The following OR5A1 variants were observed in gnomAD, a reference collection of about 807,000 sequenced individuals.
The protein encoded by OR5A1 is olfactory receptor 5A1.
OR5A1 carries 6 observed loss-of-function variants against 6.7 expected under a neutral mutation model. That is an observed-to-expected ratio of 0.89 (90% CI 0.49 to 1.76). The LOEUF (loss-of-function observed/expected upper bound fraction) is 1.76. Among genes scored for constraint, OR5A1 ranks in the 40% most tolerant of loss-of-function variants. OR5A1 has a pLI of 0.01. For synonymous variants in OR5A1, 170 were observed against 155.0 expected (o/e 1.10, Z -0.72); for missense variants, 378 against 381.7 (o/e 0.99, Z 0.08).
At position 59,440,062 on chromosome 11, in the gene OR5A1, G is replaced by C. The variant is rs531235524; in HGVS notation, c.-33-3074G>C. ...TTTCAAGCTCTGTTAAGTAGTTACT[G>C]TTTGTTTTATTGTTGTTTTGAGACA... On this transcript the variant is annotated intron_variant, in intron 1 of 1. Coordinates refer to ENST00000641045, the MANE Select transcript of OR5A1 (RefSeq NM_001004728.2). 1.8e-4 allele frequency among the ~76,000 whole-genome samples: 27 copies of C among 152,088 alleles called. No homozygotes were observed. In the South Asian group the frequency reaches 5.4e-3, roughly 31 times the overall value.
chr11:59,439,970 C>A (rs558396400), intron 1 of OR5A1, among the ~76,000 whole-genome samples: 1 of 152,200 alleles, frequency 6.6e-6, no homozygotes, highest in Non-Finnish European at 1.5e-5. Context: ...ATCACATTCC[C>A]AGTTTATTAA....
rs759983285 is a variant in OR5A1, at chr11:59,443,528, T to C, written c.360T>C (p.Ala120=). 1.2e-6 allele frequency: 2 copies of C among 1,614,120 alleles called. No individual in the cohort carries two copies. The highest frequency in any genetic ancestry group is 1.7e-6 in the Non-Finnish European group (2 of 1,180,006). The change falls in exon 2 of 2, where the codon GCT becomes GCC. Residue 120 remains alanine (A), a synonymous_variant. Coordinates refer to ENST00000641045, the MANE Select transcript of OR5A1 (RefSeq NM_001004728.2). Reference sequence around the variant, plus strand: ...TGTCTGAGTGCCTCCTCCTGACTGCTATGGCATACGACCGATATGCAGCCA... The same window carrying C: ...TGTCTGAGTGCCTCCTCCTGACTGCCATGGCATACGACCGATATGCAGCCA... ...MGLSECLLLT[A]MAYDRYAAIS...
At position 59,440,544 on chromosome 11, in the gene OR5A1, AC is replaced by A. The variant is rs574074615; in HGVS notation, c.-33-2590del. ...CCTTCTCCCACTCCCCTTTCTTCTA[AC>A]CTGAATGGGTGCCCCCAGATGACCC... is the stretch of plus-strand genomic sequence containing the variant. On this transcript the variant is annotated intron_variant, in intron 1 of 1. Transcript: ENST00000641045. Among the ~76,000 whole-genome samples the A allele has an allele frequency of 1.3e-5, 2 of 152,114 alleles. 1 individual carries two copies. The highest frequency in any genetic ancestry group is 2.9e-5 in the Non-Finnish European group (2 of 68,022).
intron 1 of OR5A1, among the ~76,000 whole-genome samples, chr11:59,437,277 T>C (rs1055824958): frequency 2.0e-5 from 3 of 152,210 alleles, no homozygotes; most frequent in Non-Finnish European, 4.4e-5. Context: ...TCCACTGTTA[T>C]AGGATCATCC....
At chr11:59,437,888 T>C (rs1312771415) in intron 1 of OR5A1, among the ~76,000 whole-genome samples, 1 of 152,238 alleles carries the variant, frequency 6.6e-6, no homozygotes, top group Non-Finnish European at 1.5e-5. Context: ...TGTTGAAATG[T>C]AATCCCCATT....
rs754407134 is a variant in OR5A1 at position 59,443,988 on chromosome 11, G to A, written c.820G>A (p.Asp274Asn). ...RPSSSYLLGR[D>N]KVVSVFYSLV... ...CAGCTCCAGCTACTTGCTAGGCAGG[G>A]ACAAGGTGGTGTCTGTTTTCTATTC... Residue 274 changes from aspartate (D) to asparagine (N), a missense_variant, in exon 2 of 2, where the codon GAC becomes AAC. Asp to Asn is a conservative substitution (Grantham distance 23, BLOSUM62 1). Transcript: ENST00000641045. 20 of 1,614,082 alleles carry A rather than the reference G, an allele frequency of 1.2e-5. No homozygotes were observed. Among genetic ancestry groups the A allele is most frequent in the Non-Finnish European group, 1.7e-5 (20 of 1,180,002 alleles).
chr11:59,442,356 C>T (rs1377032906), intron 1 of OR5A1, among the ~76,000 whole-genome samples: 3 of 152,118 alleles, frequency 2.0e-5, no homozygotes, highest in Admixed American at 6.5e-5. Flanking sequence ...GCGGGAGAAT[C>T]GCTTGAACCC....
rs1268092300 is a variant in OR5A1, at chr11:59,445,634, A to G, written c.*1518A>G. ...AATTTACATTCCCACCAACAGTATA[A>G]AAGTGTTCCTATTTCTCCACAGCCT... is the stretch of plus-strand genomic sequence containing the variant. On this transcript the variant is annotated 3_prime_UTR_variant, in exon 2 of 2. Coordinates refer to ENST00000641045, the MANE Select transcript of OR5A1 (RefSeq NM_001004728.2). 1 of 152,164 alleles carries G rather than the reference A, an allele frequency of 6.6e-6. No homozygotes were observed. Among genetic ancestry groups the G allele is most frequent in the East Asian group, 1.9e-4 (1 of 5,198 alleles). The allele number at this position is 152,164 out of a possible 1,614,324, so 9.4% of individuals were successfully genotyped here. A position where few individuals can be genotyped will look rare whatever the true frequency, so the allele number is the denominator to read the frequency against.
In OR5A1 at chr11:59,445,852, AG is replaced by A. The variant is rs1565075953; in HGVS notation, c.*1739del. The A allele has an allele frequency of 6.6e-6, 1 of 151,896 alleles. No individual in the cohort carries two copies. Among genetic ancestry groups the A allele is most frequent in the Non-Finnish European group, 1.5e-5 (1 of 67,906 alleles). The allele number at this position is 151,896 out of a possible 1,614,324, so 9.4% of individuals were successfully genotyped here. On this transcript the variant is annotated 3_prime_UTR_variant, in exon 2 of 2. Transcript: ENST00000641045. ...TCATGTCATTTGCCCACTTTTAGAT[AG>A]GGTTGTTTGTTTTTTTCTTGTAAAT...
rs1293186184 is a variant in OR5A1, at chr11:59,443,264, G to T, written c.96G>T (p.Val32=). 6.2e-7 allele frequency: 1 copy of T among 1,613,904 alleles called. No homozygotes were observed. Among genetic ancestry groups the T allele is most frequent in the Admixed American group, 1.7e-5 (1 of 60,004 alleles). The part of the protein sequence containing the change: ...DHPELQALLF[V]TFLGIYLTTL... ...CAGAACTCCAGGCCCTCCTCTTTGT[G>T]ACCTTCCTGGGCATCTATCTTACCA... Residue 32 remains valine (V), a synonymous_variant, in exon 2 of 2, where the codon GTG becomes GTT. Coordinates refer to ENST00000641045, the MANE Select transcript of OR5A1 (RefSeq NM_001004728.2).
In OR5A1 at chr11:59,450,901, C is replaced by CTA. The variant is rs1288451917; in HGVS notation, c.*6789_*6790dup. Reference sequence around the variant, plus strand: ...GTGCCATATTTATTGAACAAATTTTCTATATCAGACGCTAACTTAAATTCT... The same window carrying CTA: ...GTGCCATATTTATTGAACAAATTTTCTATATATCAGACGCTAACTTAAATTCT... On this transcript the variant is annotated 3_prime_UTR_variant, in exon 2 of 2. Transcript: ENST00000641045. 1 of 152,156 alleles carries CTA rather than the reference C, an allele frequency of 6.6e-6. No homozygotes were observed. Among genetic ancestry groups the CTA allele is most frequent in the African/African-American group, 2.4e-5 (1 of 41,440 alleles). 9.4% of individuals were successfully genotyped at this position (152,156 alleles called of 1,614,324 possible). A position where few individuals can be genotyped will look rare whatever the true frequency, so the allele number is the denominator to read the frequency against.
rs571737384 is a variant in OR5A1, at chr11:59,445,165, C to T, written c.*1049C>T. On this transcript the variant is annotated 3_prime_UTR_variant, in exon 2 of 2. Coordinates refer to ENST00000641045, the MANE Select transcript of OR5A1 (RefSeq NM_001004728.2). ...ATTTATCCCGATGCTCTCCCTCCTCCCTGCCTCCTGACAGGCCCCAATGTG... is the reference window on the plus strand; with the variant it reads ...ATTTATCCCGATGCTCTCCCTCCTCTCTGCCTCCTGACAGGCCCCAATGTG... 2 of 152,242 alleles carry T rather than the reference C, an allele frequency of 1.3e-5. No individual in the cohort carries two copies. The highest frequency in any genetic ancestry group is 2.4e-5 in the African/African-American group (1 of 41,534). The allele number at this position is 152,242 out of a possible 1,614,324, so 9.4% of individuals were successfully genotyped here. A position where few individuals can be genotyped will look rare whatever the true frequency, so the allele number is the denominator to read the frequency against.
intron 1 of OR5A1, among the ~76,000 whole-genome samples, 169 bp from the exon 2 acceptor site, chr11:59,442,967 G>C (rs559309787): frequency 1.3e-5 from 2 of 152,322 alleles, no homozygotes; most frequent in Admixed American, 1.3e-4. Flanking sequence ...TATTTAAGAT[G>C]ATGACTGCAA....
intron 1 of OR5A1, among the ~76,000 whole-genome samples, chr11:59,440,092 C>G (rs1858465469): frequency 1.3e-5 from 2 of 152,112 alleles, no homozygotes; most frequent in Non-Finnish European, 2.9e-5. Context: ...GAGACAAGGT[C>G]TCCCTTTGTC....
intron 1 of OR5A1, among the ~76,000 whole-genome samples, chr11:59,442,747 CTG>C (rs1178103267): frequency 6.6e-6 from 1 of 152,222 alleles, no homozygotes; most frequent in Admixed American, 6.5e-5. Flanking sequence ...GCACACAGAA[CTG>C]TCCTAATAAT....
rs187526605 is a variant in OR5A1 at position 59,443,401 on chromosome 11, C to G, written c.233C>G (p.Ser78Cys). 9.4e-5 allele frequency: 151 copies of G among 1,613,854 alleles called. 1 individual carries two copies. The Admixed American group carries it at 2.5e-3, about 27-fold the overall frequency. Residue 78 changes from serine to cysteine, a missense_variant, in exon 2 of 2, where the codon TCT (serine) becomes TGT (cysteine). By Grantham distance (112) the Ser-to-Cys change is moderately radical. Coordinates refer to ENST00000641045, the MANE Select transcript of OR5A1 (RefSeq NM_001004728.2). ...TCTTTCATTGACATCTGCTACTCTTCTGCTGTGGCTCCCAATATGCTCACT... is the reference window on the plus strand; with the variant it reads ...TCTTTCATTGACATCTGCTACTCTTGTGCTGTGGCTCCCAATATGCTCACT... ...NLSFIDICYS[S>C]AVAPNMLTDF... is the part of the protein sequence containing the mutation.
rs1478775368 is a variant in OR5A1, at chr11:59,446,076, T to A, written c.*1960T>A. 6.6e-6 allele frequency: 1 copy of A among 152,238 alleles called. No homozygotes were observed. Among genetic ancestry groups the A allele is most frequent in the African/African-American group, 2.4e-5 (1 of 41,470 alleles). The allele number at this position is 152,238 out of a possible 1,614,324, so 9.4% of individuals were successfully genotyped here. A position where few individuals can be genotyped will look rare whatever the true frequency, so the allele number is the denominator to read the frequency against. ...TCTTTGCCAGTGCCTATGTCCTAAATGGCATTGCCTAGATTTTCTTCTAGG... is the reference window on the plus strand; with the variant it reads ...TCTTTGCCAGTGCCTATGTCCTAAAAGGCATTGCCTAGATTTTCTTCTAGG... On this transcript the variant is annotated 3_prime_UTR_variant, in exon 2 of 2. Transcript: ENST00000641045.
In OR5A1 at chr11:59,451,120, C is replaced by T. The variant is rs1858610850; in HGVS notation, c.*7004C>T. 6.6e-6 allele frequency: 1 copy of T among 152,208 alleles called. No homozygotes were observed. The highest frequency in any genetic ancestry group is 2.1e-4 in the South Asian group (1 of 4,836). The allele number at this position is 152,208 out of a possible 1,614,324, so 9.4% of individuals were successfully genotyped here. The stretch of plus-strand genomic sequence containing the variant: ...TGCCTATGTGTGCACTCCTATTAAT[C>T]ATATGAAAGTGTCACTTTCCCCACA... On this transcript the variant is annotated 3_prime_UTR_variant, in exon 2 of 2. Coordinates refer to ENST00000641045, the MANE Select transcript of OR5A1 (RefSeq NM_001004728.2).
Position 59,443,446 on chromosome 11 carries a change from A to G in OR5A1, c.278A>G (p.Lys93Arg). The change falls in exon 2 of 2, where the codon AAG (lysine) becomes AGG (arginine). Residue 93 changes from lysine to arginine, a missense_variant. Transcript: ENST00000641045. Reference protein sequence around the residue: ...NMLTDFFWEQKTISFVGCAAQ... With the variant: ...NMLTDFFWEQRTISFVGCAAQ... Reference sequence around the variant, plus strand: ...CTCACTGACTTCTTCTGGGAGCAGAAGACCATATCATTTGTGGGCTGTGCT... The same window carrying G: ...CTCACTGACTTCTTCTGGGAGCAGAGGACCATATCATTTGTGGGCTGTGCT... The G allele has an allele frequency of 6.2e-7, 1 of 1,613,970 alleles. No homozygotes were observed. Among genetic ancestry groups the G allele is most frequent in the Non-Finnish European group, 8.5e-7 (1 of 1,180,022 alleles).
Sources: allele counts gnomAD v4.1 joint callset (sites outside exome capture counted in the v4.1 genomes callset), GRCh38; gene constraint gnomAD v4.1.1; transcripts MANE v1.5; gene names NCBI Gene and HGNC (gene_info 2026-07-23, HGNC 2026-07-21).